The following GAPT variants were observed in gnomAD, a reference collection of about 807,000 sequenced individuals.
GAPT encodes the protein GRB2 binding adaptor protein, transmembrane.
For missense variants in GAPT, 206 were observed against 189.2 expected, an observed-to-expected ratio of 1.09 and a Z score of -0.52; for synonymous variants, 82 against 69.7, an observed-to-expected ratio of 1.18 and a Z score of -0.88.
At position 58,494,768 on chromosome 5, in the gene GAPT, CA is replaced by C. The variant is rs748825227; in HGVS notation, c.234del (p.Asp79ThrfsTer85). The stretch of plus-strand genomic sequence containing the variant: ...AAGGCATGAAATCTCAGTTGAAACC[CA>C]AGACCACAAATCTGCTGTCAGGGGA... ...GLRHEISVETQDHKSAVRGNN... is the reference protein window; with the variant it reads ...GLRHEISVETXDHKSAVRGNN... On this transcript the variant is annotated frameshift_variant, in exon 3 of 3. Transcript: ENST00000502276. LOFTEE classifies it low-confidence loss of function (END_TRUNC). The C allele has an allele frequency of 1.2e-6, 2 of 1,613,928 alleles. No individual in the cohort carries two copies. Among genetic ancestry groups the C allele is most frequent in the African/African-American group, 2.7e-5 (2 of 75,036 alleles).
chr5:58,494,642 C>G lies in GAPT; in HGVS notation c.106C>G (p.Arg36Gly). 1 of 1,613,970 alleles carries G rather than the reference C, an allele frequency of 6.2e-7. No homozygotes were observed. Among genetic ancestry groups the G allele is most frequent in the Non-Finnish European group, 8.5e-7 (1 of 1,179,914 alleles). The change falls in exon 3 of 3, where the codon CGT becomes GGT. Residue 36 changes from arginine (R) to glycine (G), a missense_variant. Arg to Gly is a moderately radical substitution (Grantham distance 125). Coordinates refer to ENST00000502276, the MANE Select transcript of GAPT (RefSeq NM_001304431.2). ...GIGCVWHWKH[R>G]VATRFTLPRF... The stretch of plus-strand genomic sequence containing the variant: ...TGGGTGTGTTTGGCACTGGAAACAC[C>G]GTGTTGCCACACGATTTACCTTACC...
Position 58,494,945 on chromosome 5 carries a change from C to G in GAPT, c.409C>G (p.Gln137Glu). ...GACATCTTCTGACTATTATAACTTC[C>G]AGAAGCCTCGTCCTTCTGAAGTTCC... ...NETSSDYYNF[Q>E]KPRPSEVPQD... The change falls in exon 3 of 3, where the codon CAG becomes GAG. Residue 137 changes from glutamine (Q) to glutamate (E), a missense_variant. By Grantham distance (29) the Gln-to-Glu change is conservative. Coordinates refer to ENST00000502276, the MANE Select transcript of GAPT (RefSeq NM_001304431.2). The G allele has an allele frequency of 6.2e-7, 1 of 1,613,826 alleles. No individual in the cohort carries two copies. The highest frequency in any genetic ancestry group is 8.5e-7 in the Non-Finnish European group (1 of 1,179,790).
At position 58,494,432 on chromosome 5, in the gene GAPT, A is replaced by G. The variant is rs1744368181; in HGVS notation, c.-105A>G. 4.2e-6 allele frequency: 4 copies of G among 950,968 alleles called. No homozygotes were observed. The Admixed American group carries it at 1.2e-4, about 28-fold the overall frequency. The allele number at this position is 950,968 out of a possible 1,614,324, so 58.9% of individuals were successfully genotyped here. ...CAGATCTGAAAAGGAAAATGCCTAA[A>G]AGAGCTTCCAAACTCATTTTTGAAT... On this transcript the variant is annotated 5_prime_UTR_variant, in exon 3 of 3. Coordinates refer to ENST00000502276, the MANE Select transcript of GAPT (RefSeq NM_001304431.2).
In GAPT at chr5:58,494,825, G is replaced by A. The variant is rs1012215651; in HGVS notation, c.289G>A (p.Glu97Lys). 3.1e-6 allele frequency: 5 copies of A among 1,613,906 alleles called. No homozygotes were observed. The highest frequency in any genetic ancestry group is 3.4e-6 in the Non-Finnish European group (4 of 1,179,996). The change falls in exon 3 of 3, where the codon GAA becomes AAA. Residue 97 changes from glutamate (E) to lysine (K), a missense_variant. Transcript: ENST00000502276. Reference protein sequence around the residue: ...NNTHDNYENVEAGPPKAKGKT... With the variant: ...NNTHDNYENVKAGPPKAKGKT... ...CACACACGACAACTATGAAAATGTG[G>A]AAGCAGGTCCTCCCAAAGCTAAAGG...
At position 58,495,212 on chromosome 5, in the gene GAPT, C is replaced by G; in HGVS notation, c.*202C>G. 1.9e-6 allele frequency: 1 copy of G among 527,710 alleles called. No individual in the cohort carries two copies. Among genetic ancestry groups the G allele is most frequent in the East Asian group, 3.1e-5 (1 of 32,064 alleles). 32.7% of individuals were successfully genotyped at this position (527,710 alleles called of 1,614,324 possible). On this transcript the variant is annotated 3_prime_UTR_variant, in exon 3 of 3. Coordinates refer to ENST00000502276, the MANE Select transcript of GAPT (RefSeq NM_001304431.2). ...AACAGAAAATCAAATACCACATATT[C>G]TCACTTAAAAGTGGGAGCTAAATAA...
In GAPT at chr5:58,494,977, T is replaced by A; in HGVS notation, c.441T>A (p.Asp147Glu). 6.2e-7 allele frequency: 1 copy of A among 1,611,110 alleles called. No homozygotes were observed. The highest frequency in any genetic ancestry group is 1.7e-5 in the Admixed American group (1 of 59,832). The change falls in exon 3 of 3, where the codon GAT (aspartate) becomes GAA (glutamate). Residue 147 changes from aspartate (D) to glutamate (E), a missense_variant. Coordinates refer to ENST00000502276, the MANE Select transcript of GAPT (RefSeq NM_001304431.2). ...QKPRPSEVPQ[D>E]EDIYILPDSY ...CTCGTCCTTCTGAAGTTCCTCAAGA[T>A]GAAGATATATACATTCTTCCAGATT...
intron 2 of GAPT, 45 bp from the exon 3 acceptor site, chr5:58,494,202 G>C: frequency 4.8e-6 from 1 of 209,442 alleles, no homozygotes; most frequent in Middle Eastern, 1.7e-3. Context: ...CTACTCTGCT[G>C]TCATCTTCCA....
At chr5:58,492,689 T>G (rs1245187284) in intron 1 of GAPT, among the ~76,000 whole-genome samples, 4 of 152,210 alleles carry the variant, frequency 2.6e-5, no homozygotes, top group Non-Finnish European at 5.9e-5. Flanking sequence ...TATTAATATA[T>G]TCTAACCTTG....
At chr5:58,492,958 C>T (rs1744300052) in intron 1 of GAPT, among the ~76,000 whole-genome samples, 4 of 152,088 alleles carry the variant, frequency 2.6e-5, no homozygotes, top group Admixed American at 2.6e-4. Context: ...AATTTTCTGA[C>T]TGATGCACTT....
intron 1 of GAPT, among the ~76,000 whole-genome samples, 183 bp downstream of exon 1, chr5:58,491,724 T>C (rs1744263779): frequency 6.6e-6 from 1 of 152,198 alleles, no homozygotes; most frequent in South Asian, 2.1e-4. Flanking sequence ...ACAATATGAT[T>C]ATGCTTTGCT....
rs906401628 is a variant in GAPT at position 58,495,616 on chromosome 5, T to C, written c.*606T>C. The C allele has an allele frequency of 4.3e-5, 7 of 163,480 alleles. No individual in the cohort carries two copies. Among genetic ancestry groups the C allele is most frequent in the African/African-American group, 7.2e-5 (3 of 41,428 alleles). 10.1% of individuals were successfully genotyped at this position (163,480 alleles called of 1,614,324 possible). ...TCCACCCTCCTTGCACCAGACTAAA[T>C]CTGTATTATGTGATATTGATTCTTC... On this transcript the variant is annotated 3_prime_UTR_variant, in exon 3 of 3. Coordinates refer to ENST00000502276, the MANE Select transcript of GAPT (RefSeq NM_001304431.2).
Position 58,494,780 on chromosome 5 carries a change from T to C in GAPT, c.244T>C (p.Ser82Pro). The C allele has an allele frequency of 6.2e-7, 1 of 1,613,886 alleles. No homozygotes were observed. Among genetic ancestry groups the C allele is most frequent in the Non-Finnish European group, 8.5e-7 (1 of 1,179,918 alleles). ...CTCAGTTGAAACCCAAGACCACAAATCTGCTGTCAGGGGAAATAACACACA... is the reference window on the plus strand; with the variant it reads ...CTCAGTTGAAACCCAAGACCACAAACCTGCTGTCAGGGGAAATAACACACA... ...EISVETQDHK[S>P]AVRGNNTHDN... The change falls in exon 3 of 3, where the codon TCT becomes CCT. Residue 82 changes from serine (S) to proline (P), a missense_variant. Physicochemically the swap from Ser to Pro is moderately conservative, Grantham distance 74. Transcript: ENST00000502276.
In GAPT at chr5:58,494,505, C is replaced by G; in HGVS notation, c.-32C>G. ...CACTGTGAATTCATTAAGGGTAACACCAAATCACTAAACAGCACTGTTTGT... is the reference window on the plus strand; with the variant it reads ...CACTGTGAATTCATTAAGGGTAACAGCAAATCACTAAACAGCACTGTTTGT... On this transcript the variant is annotated 5_prime_UTR_variant, in exon 3 of 3. Coordinates refer to ENST00000502276, the MANE Select transcript of GAPT (RefSeq NM_001304431.2). The G allele has an allele frequency of 1.3e-6, 2 of 1,531,298 alleles. No homozygotes were observed. The highest frequency in any genetic ancestry group is 1.8e-6 in the Non-Finnish European group (2 of 1,125,832). The allele number at this position is 1,531,298 out of a possible 1,614,324, so 94.9% of individuals were successfully genotyped here.
intron 1 of GAPT, among the ~76,000 whole-genome samples, chr5:58,492,513 G>A (rs773778709): frequency 3.9e-5 from 6 of 151,996 alleles, no homozygotes; most frequent in Admixed American, 1.3e-4. Flanking sequence ...CTTATGTGGC[G>A]GACCATACAG....
In GAPT at chr5:58,494,674, T is replaced by C. The variant is rs747066611; in HGVS notation, c.138T>C (p.Phe46=). The C allele has an allele frequency of 6.2e-6, 10 of 1,614,018 alleles. No homozygotes were observed. The highest frequency in any genetic ancestry group is 8.5e-6 in the Non-Finnish European group (10 of 1,179,958). The change falls in exon 3 of 3, where the codon TTT becomes TTC. Residue 46 remains phenylalanine (F), a synonymous_variant. Transcript: ENST00000502276. ...CCACACGATTTACCTTACCGAGGTTTTTACAAAGGAGAAGCAGCAGGAGAA... is the reference window on the plus strand; with the variant it reads ...CCACACGATTTACCTTACCGAGGTTCTTACAAAGGAGAAGCAGCAGGAGAA... The part of the protein sequence containing the change: ...RVATRFTLPR[F]LQRRSSRRKV...
chr5:58,494,412 C>A lies in GAPT; in HGVS notation c.-125C>A. 1.4e-6 allele frequency: 1 copy of A among 729,380 alleles called. No homozygotes were observed. Among genetic ancestry groups the A allele is most frequent in the Non-Finnish European group, 2.2e-6 (1 of 447,488 alleles). The allele number at this position is 729,380 out of a possible 1,614,324, so 45.2% of individuals were successfully genotyped here. The stretch of plus-strand genomic sequence containing the variant: ...TTTACCAGATAATGTTCTTCCAGAT[C>A]TGAAAAGGAAAATGCCTAAAAGAGC... On this transcript the variant is annotated 5_prime_UTR_variant, in exon 3 of 3. The change creates a new upstream start codon in the 5' untranslated region. Transcript: ENST00000502276.
chr5:58,495,102 A>G lies in GAPT; in HGVS notation c.*92A>G. 1 of 764,610 alleles carries G rather than the reference A, an allele frequency of 1.3e-6. No individual in the cohort carries two copies. Among genetic ancestry groups the G allele is most frequent in the Non-Finnish European group, 2.1e-6 (1 of 478,356 alleles). 47.4% of individuals were successfully genotyped at this position (764,610 alleles called of 1,614,324 possible). A position where few individuals can be genotyped will look rare whatever the true frequency, so the allele number is the denominator to read the frequency against. ...CAAGGAATCAAACTAAATGTTGATC[A>G]ACTGTAGACTGGATAAAGAAAATGT... On this transcript the variant is annotated 3_prime_UTR_variant, in exon 3 of 3. Coordinates refer to ENST00000502276, the MANE Select transcript of GAPT (RefSeq NM_001304431.2).
intron 1 of GAPT, among the ~76,000 whole-genome samples, chr5:58,493,091 A>G (rs189736501): frequency 4.6e-5 from 7 of 152,260 alleles, no homozygotes; most frequent in African/African-American, 1.7e-4. Flanking sequence ...CTTCTTATCT[A>G]TAAAATGGTG....
chr5:58,491,748 C>T (rs1399820701), intron 1 of GAPT, among the ~76,000 whole-genome samples: 1 of 152,098 alleles, frequency 6.6e-6, no homozygotes, highest in Non-Finnish European at 1.5e-5. Flanking sequence ...ACCTTGTTTC[C>T]AAACAGCAGG....
Sources: allele counts gnomAD v4.1 joint callset (sites outside exome capture counted in the v4.1 genomes callset), GRCh38; gene constraint gnomAD v4.1.1; transcripts MANE v1.5; gene names NCBI Gene and HGNC (gene_info 2026-07-23, HGNC 2026-07-21).